The following CRTC1 variants were observed in gnomAD, a reference collection of about 807,000 sequenced individuals.
CRTC1 encodes the protein CREB regulated transcription coactivator 1.
In CRTC1, 18 loss-of-function variants were observed where a neutral mutation model predicts 66.1. The ratio of observed to expected loss-of-function variants is 0.27; its 90% CI spans 0.19 to 0.40. The LOEUF is 0.40. Ranked by LOEUF, CRTC1 falls within the 10% of genes least tolerant of loss-of-function variation. The pLI is 1.00. For missense variants in CRTC1, 669 were observed against 887.9 expected, an observed-to-expected ratio of 0.75 and a Z score of 3.13; for synonymous variants, 416 against 398.8, an observed-to-expected ratio of 1.04 and a Z score of -0.51.
At position 18,781,257 on chromosome 19, in the gene CRTC1, A is replaced by T. The variant is rs1420705451; in HGVS notation, c.*3875A>T. 4.4e-6 allele frequency: 1 copy of T among 227,624 alleles called. No individual in the cohort carries two copies. Among genetic ancestry groups the T allele is most frequent in the Non-Finnish European group, 8.7e-6 (1 of 114,666 alleles). 14.1% of individuals were successfully genotyped at this position (227,624 alleles called of 1,614,324 possible). ...GCCAGAGCCTTCCCTACACAGCCTA[A>T]GAGCAGGGGCAAGACTCGGCCCCTC... On this transcript the variant is annotated 3_prime_UTR_variant, in exon 14 of 14. Transcript: ENST00000321949.
Position 18,760,167 on chromosome 19 carries a change from C to T in CRTC1, c.825C>T (p.Ser275=). Residue 275 remains serine, a synonymous_variant, in exon 8 of 14, where the codon TCC becomes TCT. Transcript: ENST00000321949. This position sits in a 1 kb window ranked among gnomAD's most constrained non-coding sequence, Gnocchi z 6.2. Reference sequence around the variant, plus strand: ...CCACCTTCCCTGCACTGAGCAGCTCCAGCAGCACCGGCAACCTCGCGGCCA... The same window carrying T: ...CCACCTTCCCTGCACTGAGCAGCTCTAGCAGCACCGGCAACCTCGCGGCCA... The part of the protein sequence containing the change: ...EEPTFPALSS[S]SSTGNLAANL... The T allele has an allele frequency of 6.2e-7, 1 of 1,613,696 alleles. No homozygotes were observed. Among genetic ancestry groups the T allele is most frequent in the Non-Finnish European group, 8.5e-7 (1 of 1,179,792 alleles).
chr19:18,735,417 C>T (rs2145696302), intron 1 of CRTC1, among the ~76,000 whole-genome samples: 1 of 152,278 alleles, frequency 6.6e-6, no homozygotes, highest in East Asian at 1.9e-4. Context: ...CCCCGGGGAG[C>T]GGGGGATCCT....
intron 5 of CRTC1, among the ~76,000 whole-genome samples, chr19:18,750,979 G>A (rs985289660): frequency 6.6e-6 from 1 of 152,152 alleles, no homozygotes; most frequent in Non-Finnish European, 1.5e-5. Context: ...CCATCCCCTG[G>A]AACACTGTAA....
intron 11 of CRTC1, among the ~76,000 whole-genome samples, chr19:18,774,227 G>A (rs974563561): frequency 5.3e-5 from 8 of 152,080 alleles, no homozygotes; most frequent in Non-Finnish European, 7.4e-5. Context: ...GAGGGGCTCC[G>A]AGTGTCTCCT....
At chr19:18,734,866 C>G (rs75922013) in intron 1 of CRTC1, among the ~76,000 whole-genome samples, 28,342 of 152,094 alleles carry the variant, frequency 0.19, 2,766 homozygotes, top group East Asian at 0.3. Flanking sequence ...CTCTCCTGTT[C>G]CCCTGGGACC....
Position 18,691,191 on chromosome 19 carries a change from C to CAA in CRTC1, c.126+7376_126+7377dup, listed in dbSNP as rs35591757. 9.5e-4 allele frequency among the ~76,000 whole-genome samples: 113 copies of CAA among 118,650 alleles called. 1 individual carries two copies. Among genetic ancestry groups the CAA allele is most frequent in the Middle Eastern group, 5.5e-3 (1 of 182 alleles). The allele number at this position is 118,650 out of a possible 152,430, so 77.8% of individuals were successfully genotyped here. On this transcript the variant is annotated intron_variant, in intron 1 of 13. Transcript: ENST00000321949. ...TGGGTGACAGAGTGAGATCCTGTCT[C>CAA]AAAAAAAAAAAAAAGAAAAAGAAAA...
chr19:18,719,818 C>T (rs1404707476), intron 1 of CRTC1, among the ~76,000 whole-genome samples: 1 of 152,264 alleles, frequency 6.6e-6, no homozygotes, highest in East Asian at 1.9e-4. Context: ...TGGGATCTGA[C>T]TTCCCTGAGG....
chr19:18,747,943 A>G (rs987298682), intron 4 of CRTC1, among the ~76,000 whole-genome samples: 3 of 151,958 alleles, frequency 2.0e-5, no homozygotes, highest in Middle Eastern at 3.4e-3. Context: ...CAGATGTAGT[A>G]GTGCACGCCT....
rs1197466344 is a variant in CRTC1 at position 18,768,566 on chromosome 19, C to G, written c.1093C>G (p.Pro365Ala). The change falls in exon 10 of 14, where the codon CCG (proline) becomes GCG (alanine). Residue 365 changes from proline to alanine, a missense_variant. This residue lies in a region of CRTC1 where 241 missense variants were observed against 242.2 expected (regional missense o/e 0.99). Transcript: ENST00000321949. The surrounding 1 kb of genome is among the most constrained non-coding windows in gnomAD (Gnocchi z 5.6). ...CCAGGCGGGCTCCCAGCAGCCACCG[C>G]CGCAGCCCCAGCCCCCGCCGCCTCC... ...FTQAGSQQPP[P>A]QPQPPPPPPP... 6.3e-7 allele frequency: 1 copy of G among 1,599,216 alleles called. No individual in the cohort carries two copies. Among genetic ancestry groups the G allele is most frequent in the Non-Finnish European group, 8.5e-7 (1 of 1,174,420 alleles).
At chr19:18,774,827 C>A in intron 11 of CRTC1, 73 bp from the exon 12 acceptor site, 1 of 1,441,822 alleles carries the variant, frequency 6.9e-7, no homozygotes, top group Non-Finnish European at 9.7e-7. Context: ...TGTCTTCCAG[C>A]CGGGCTTGGG....
At chr19:18,735,623 G>A (rs563052528) in intron 1 of CRTC1, 1 of 152,510 alleles carries the variant, frequency 6.6e-6, no homozygotes, top group South Asian at 2.1e-4. Flanking sequence ...TAGGGGAAGA[G>A]TCCTGCTCTG....
rs1054237171 is a variant in CRTC1 at position 18,779,139 on chromosome 19, C to G, written c.*1757C>G. 4.3e-6 allele frequency: 1 copy of G among 232,812 alleles called. No individual in the cohort carries two copies. Among genetic ancestry groups the G allele is most frequent in the Non-Finnish European group, 8.5e-6 (1 of 117,782 alleles). The allele number at this position is 232,812 out of a possible 1,614,324, so 14.4% of individuals were successfully genotyped here. On this transcript the variant is annotated 3_prime_UTR_variant, in exon 14 of 14. Transcript: ENST00000321949. ...ACTGCATTGCGGCTCTCGCTCGCTC[C>G]TGCCTGCCGGGACAGCGCCTTCTGC...
At chr19:18,758,970 G>A (rs1378310747) in intron 6 of CRTC1, among the ~76,000 whole-genome samples, 2 of 152,228 alleles carry the variant, frequency 1.3e-5, no homozygotes, top group Non-Finnish European at 2.9e-5. Flanking sequence ...GCTTAGCAGA[G>A]GCCCCTCTAC....
chr19:18,770,112 CG>C (rs1478747796), intron 10 of CRTC1, among the ~76,000 whole-genome samples: 2 of 151,800 alleles, frequency 1.3e-5, no homozygotes, highest in Non-Finnish European at 2.9e-5. Context: ...GGCCCTGGAC[CG>C]GTCAGGCTGG....
rs1197569499 is a variant in CRTC1, at chr19:18,768,395, G to T, written c.1012-90G>T. On this transcript the variant is annotated intron_variant, in intron 9 of 13. Transcript: ENST00000321949. The surrounding 1 kb of genome is among the most constrained non-coding windows in gnomAD (Gnocchi z 5.6). The stretch of plus-strand genomic sequence containing the variant: ...TGTGATCACAGGGCCCTTCCACCTC[G>T]CCTGCTGAGCATGCCAGGCTATGGG... 3 of 1,110,406 alleles carry T rather than the reference G, an allele frequency of 2.7e-6. No individual in the cohort carries two copies. The highest frequency in any genetic ancestry group is 5.1e-5 in the East Asian group (2 of 39,352). The allele number at this position is 1,110,406 out of a possible 1,614,324, so 68.8% of individuals were successfully genotyped here.
chr19:18,708,602 G>A (rs956934705), intron 1 of CRTC1, among the ~76,000 whole-genome samples: 22 of 152,172 alleles, frequency 1.4e-4, no homozygotes, highest in Non-Finnish European at 5.9e-5. Flanking sequence ...CTGGAAGCAG[G>A]GCTGGGGCGG....
rs769889493 is a variant in CRTC1, at chr19:18,759,538, T to G, written c.625-13T>G. ...GTGCCCCAGGGCTCAGGCTCTCCTGTCTTCTCTTTCAGACGGGGTCCAGGC... is the reference window on the plus strand; with the variant it reads ...GTGCCCCAGGGCTCAGGCTCTCCTGGCTTCTCTTTCAGACGGGGTCCAGGC... On this transcript the variant is annotated splice_polypyrimidine_tract_variant and intron_variant, in intron 6 of 13. Coordinates refer to ENST00000321949, the MANE Select transcript of CRTC1 (RefSeq NM_015321.3). 6.2e-7 allele frequency: 1 copy of G among 1,612,142 alleles called. No individual in the cohort carries two copies. Among genetic ancestry groups the G allele is most frequent in the Non-Finnish European group, 8.5e-7 (1 of 1,179,332 alleles).
intron 1 of CRTC1, among the ~76,000 whole-genome samples, chr19:18,696,028 T>C (rs2052979056): frequency 6.6e-6 from 1 of 151,972 alleles, no homozygotes; most frequent in Admixed American, 6.6e-5. Context: ...GGGTGGAGGC[T>C]ACTGGCTACA....
At position 18,741,416 on chromosome 19, in the gene CRTC1, G is replaced by C. The variant is rs1477017281; in HGVS notation, c.127-1494G>C. 1.3e-5 allele frequency among the ~76,000 whole-genome samples: 2 copies of C among 152,238 alleles called. No individual in the cohort carries two copies. The highest frequency in any genetic ancestry group is 2.9e-5 in the Non-Finnish European group (2 of 68,044). On this transcript the variant is annotated intron_variant, in intron 1 of 13. Coordinates refer to ENST00000321949, the MANE Select transcript of CRTC1 (RefSeq NM_015321.3). The surrounding 1 kb of genome is among the most constrained non-coding windows in gnomAD (Gnocchi z 4.2). ...ACTCTAGGTCGGGGACACAGGTCCA[G>C]GAGGGGTCACAGCCTTTAGGGCCAT...
Sources: gnomAD v4.1 joint callset for allele counts (sites outside exome capture counted in the v4.1 genomes callset) on GRCh38, gnomAD v4.1.1 for gene constraint, gnomAD v4.1.1 regional missense constraint, Gnocchi (gnomAD v3.1) non-coding constraint, MANE v1.5 for transcripts, NCBI Gene and HGNC (gene_info 2026-07-23, HGNC 2026-07-21) for gene names.